The following HIVEP3 variants were observed in gnomAD, a reference collection of about 807,000 sequenced individuals.
The protein encoded by HIVEP3 is transcription factor HIVEP3.
A neutral mutation model predicts 152.8 loss-of-function variants in HIVEP3; 49 were observed. That is an observed-to-expected ratio of 0.32 (90% CI 0.26 to 0.41). The LOEUF is 0.41. Among genes scored for constraint, HIVEP3 ranks in the 10% least tolerant of loss-of-function variants. The pLI is 1.00. For synonymous variants in HIVEP3, 1,269 were observed against 1,289.0 expected, an observed-to-expected ratio of 0.98 and a Z score of 0.33; for missense variants, 2,790 against 3,103.3, an observed-to-expected ratio of 0.90 and a Z score of 2.40.
chr1:41,531,530 G>A (rs1643254186), intron 5 of HIVEP3, among the ~76,000 whole-genome samples: 3 of 69,070 alleles, frequency 4.3e-5, no homozygotes, highest in African/African-American at 1.1e-4. Context: ...CAGGAGAGAT[G>A]GAGGACAGGG....
intron 3 of HIVEP3, among the ~76,000 whole-genome samples, chr1:41,628,121 T>C (rs1417156291): frequency 6.6e-6 from 1 of 152,162 alleles, no homozygotes; most frequent in East Asian, 1.9e-4. Flanking sequence ...ATACCAGGCC[T>C]CTCCCCAGGC....
intron 2 of HIVEP3, among the ~76,000 whole-genome samples, chr1:41,674,058 T>C (rs1015745310): frequency 3.9e-5 from 6 of 152,226 alleles, no homozygotes; most frequent in African/African-American, 1.4e-4. Context: ...TAAACCCAGC[T>C]GGCTGGGGCC....
chr1:41,646,993 A>G (rs964500383), intron 2 of HIVEP3, among the ~76,000 whole-genome samples: 4 of 152,136 alleles, frequency 2.6e-5, no homozygotes, highest in Non-Finnish European at 4.4e-5. Context: ...AAAGACATCA[A>G]TGGCCAGGTC....
chr1:41,553,845 G>A (rs949965148), intron 5 of HIVEP3, among the ~76,000 whole-genome samples: 1 of 152,180 alleles, frequency 6.6e-6, no homozygotes, highest in African/African-American at 2.4e-5. Context: ...CTGGCTTGTA[G>A]GGTTTCTGCC....
At chr1:41,884,992 G>A (rs182168330) in intron 1 of HIVEP3, among the ~76,000 whole-genome samples, 1 of 152,290 alleles carries the variant, frequency 6.6e-6, no homozygotes, top group African/African-American at 2.4e-5. Flanking sequence ...GCGGAGGATT[G>A]GATACAGCTG....
chr1:41,512,346 G>T (rs927140112), intron 8 of HIVEP3, among the ~76,000 whole-genome samples: 5 of 152,054 alleles, frequency 3.3e-5, no homozygotes, highest in Admixed American at 3.3e-4. Context: ...TCTCTCTCTT[G>T]CTTCCACTCT....
intron 2 of HIVEP3, among the ~76,000 whole-genome samples, chr1:41,683,727 ACTC>A (rs1646074497): frequency 1.3e-5 from 2 of 152,148 alleles, no homozygotes; most frequent in African/African-American, 4.8e-5. Context: ...AGGGCCCAGG[ACTC>A]AGTAAAAATT....
intron 1 of HIVEP3, among the ~76,000 whole-genome samples, chr1:41,925,455 T>C (rs1353138538): frequency 6.6e-6 from 1 of 152,172 alleles, no homozygotes; most frequent in East Asian, 1.9e-4. Flanking sequence ...ATATTTAATG[T>C]TTATTAAGTG....
chr1:41,511,201 G>A lies in HIVEP3; in HGVS notation c.6471C>T (p.Pro2157=). The A allele has an allele frequency of 6.2e-7, 1 of 1,614,022 alleles. No individual in the cohort carries two copies. The highest frequency in any genetic ancestry group is 8.5e-7 in the Non-Finnish European group (1 of 1,179,990). Reference sequence around the variant, plus strand: ...CGTGGAAGTCATGGAGGGCGGAGAAGGGTCGGGAGGAGAGAGGATGAGCAG... The same window carrying A: ...CGTGGAAGTCATGGAGGGCGGAGAAAGGTCGGGAGGAGAGAGGATGAGCAG... ...PGPAHPLSSR[P]FSALHDFHGH... is the part of the protein sequence containing the mutation. The change falls in exon 9 of 9, where the codon CCC becomes CCT. Residue 2157 remains proline, a synonymous_variant. Transcript: ENST00000372583. The surrounding 1 kb of genome is among the most constrained non-coding windows in gnomAD (Gnocchi z 4.9).
chr1:41,939,025 C>G (rs911789082), intron 1 of HIVEP3, among the ~76,000 whole-genome samples: 3 of 152,178 alleles, frequency 2.0e-5, no homozygotes, highest in African/African-American at 7.2e-5. Context: ...TTGCTTACCT[C>G]AGCTTACCTT....
At position 41,813,033 on chromosome 1, in the gene HIVEP3, T is replaced by C. The variant is rs1449190860; in HGVS notation, c.-801+105380A>G. Among the ~76,000 whole-genome samples, 3 of 152,186 alleles carry C rather than the reference T, an allele frequency of 2.0e-5. No individual in the cohort carries two copies. In the South Asian group the frequency reaches 6.2e-4, roughly 31 times the overall value. On this transcript the variant is annotated intron_variant, in intron 1 of 8. Coordinates refer to ENST00000372583, the MANE Select transcript of HIVEP3 (RefSeq NM_024503.5). ...GATCCAACCACTTCATTTCATTTTA[T>C]CTATTTTATTTTATTTTATTTTTGA...
At position 41,696,736 on chromosome 1, in the gene HIVEP3, G is replaced by A. The variant is rs559387261; in HGVS notation, c.-721+4180C>T. Among the ~76,000 whole-genome samples, 3 of 151,774 alleles carry A rather than the reference G, an allele frequency of 2.0e-5. No individual in the cohort carries two copies. The East Asian group carries it at 5.8e-4, about 29-fold the overall frequency. ...CTTGAGTTAAAAAATAGAATGTAGA[G>A]TATAATCCTAATTTAAAAAAAAAAA... On this transcript the variant is annotated intron_variant, in intron 2 of 8. Coordinates refer to ENST00000372583, the MANE Select transcript of HIVEP3 (RefSeq NM_024503.5).
At chr1:41,928,444 T>C (rs116768846) in intron 1 of HIVEP3, among the ~76,000 whole-genome samples, 3,311 of 152,294 alleles carry the variant, frequency 0.022, 69 homozygotes, top group Non-Finnish European at 0.026. Context: ...TTACCCAGTT[T>C]TCACTAACAG....
chr1:41,671,644 G>A (rs909306980), intron 2 of HIVEP3, among the ~76,000 whole-genome samples: 22 of 152,220 alleles, frequency 1.4e-4, no homozygotes, highest in Non-Finnish European at 1.2e-4. Flanking sequence ...TCCGCCTCAC[G>A]CAGAACAGGG....
intron 2 of HIVEP3, among the ~76,000 whole-genome samples, chr1:41,629,578 GC>G (rs1243854026): frequency 6.6e-6 from 1 of 152,042 alleles, no homozygotes; most frequent in Admixed American, 6.5e-5. Context: ...AATTCAACAA[GC>G]AAAAACCAAA....
chr1:41,662,869 C>T lies in HIVEP3; in HGVS notation c.-720-33922G>A, dbSNP rs1461790522. Among the ~76,000 whole-genome samples the T allele has an allele frequency of 2.4e-4, 37 of 152,150 alleles. 1 individual carries two copies. Among genetic ancestry groups the T allele is most frequent in the Admixed American group, 2.4e-3 (37 of 15,290 alleles). On this transcript the variant is annotated intron_variant, in intron 2 of 8. Transcript: ENST00000372583. The surrounding 1 kb of genome is among the most constrained non-coding windows in gnomAD (Gnocchi z 7.2). ...AGTCCATCGCCGTCCCCAAAGTGTGCGCTCCCCGCCTTCCCCCTGGGTGCC... is the reference window on the plus strand; with the variant it reads ...AGTCCATCGCCGTCCCCAAAGTGTGTGCTCCCCGCCTTCCCCCTGGGTGCC...
Position 41,584,480 on chromosome 1 carries a change from C to A in HIVEP3, c.318G>T (p.Ser106=), listed in dbSNP as rs371696795. ...PQHPLTPAFM[S]PGKPEHLLEG... is the part of the protein sequence containing the mutation. The stretch of plus-strand genomic sequence containing the variant: ...CCAGGAGATGCTCAGGTTTGCCAGG[C>A]GACATGAATGCTGGTGTCAGAGGGT... Residue 106 remains serine (S), a synonymous_variant, in exon 4 of 9, where the codon TCG becomes TCT. Transcript: ENST00000372583. The surrounding 1 kb of genome is among the most constrained non-coding windows in gnomAD (Gnocchi z 5.2). 2.5e-6 allele frequency: 4 copies of A among 1,613,982 alleles called. No homozygotes were observed. Among genetic ancestry groups the A allele is most frequent in the Admixed American group, 3.3e-5 (2 of 60,000 alleles).
chr1:41,697,810 A>T (rs185298884), intron 2 of HIVEP3, among the ~76,000 whole-genome samples: 1 of 152,324 alleles, frequency 6.6e-6, no homozygotes, highest in Admixed American at 6.5e-5. Context: ...TTATTGGTGA[A>T]CACATTTTAA....
intron 1 of HIVEP3, among the ~76,000 whole-genome samples, chr1:41,974,095 G>A (rs994120245): frequency 1.3e-5 from 2 of 152,190 alleles, no homozygotes; most frequent in Non-Finnish European, 2.9e-5. Context: ...GGCTGGAAGA[G>A]AGCTGGATGC....
Sources: gnomAD v4.1 joint callset for allele counts (sites outside exome capture counted in the v4.1 genomes callset) on GRCh38, gnomAD v4.1.1 for gene constraint, Gnocchi (gnomAD v3.1) non-coding constraint, MANE v1.5 for transcripts, NCBI Gene and HGNC (gene_info 2026-07-23, HGNC 2026-07-21) for gene names.